DAZAP2: variants seen among roughly 807,000 people sequenced by gnomAD.
DAZAP2 encodes the protein DAZ-associated protein 2.
In DAZAP2, 3 loss-of-function variants were observed where a neutral mutation model predicts 16.2. That is an observed-to-expected ratio of 0.19 (90% confidence interval 0.08 to 0.48). The LOEUF (loss-of-function observed/expected upper bound fraction) is 0.48. Ranked by LOEUF, DAZAP2 falls within the 20% of genes least tolerant of loss-of-function variation. DAZAP2 has a pLI of 0.98. For missense variants in DAZAP2, 172 were observed against 215.9 expected, an observed-to-expected ratio of 0.80 and a Z score of 1.27; for synonymous variants, 69 against 77.6, an observed-to-expected ratio of 0.89 and a Z score of 0.58.
intron 1 of DAZAP2, chr12:51,239,616 T>TA (rs1040777986): frequency 2.6e-5 from 4 of 152,040 alleles, no homozygotes; most frequent in South Asian, 2.0e-4. Context: ...CCGTCTCTAT[T>TA]AAAAAATACA....
In DAZAP2 at chr12:51,238,847, A is replaced by C. The variant is rs910828479; in HGVS notation, c.-61A>C. ...ATGTGACACGGAAGTAGCTCCGAAC[A>C]GGAAGAGGACGAAAAAAATAACCGT... On this transcript the variant is annotated 5_prime_UTR_variant, in exon 1 of 4. Transcript: ENST00000412716. 5 of 1,611,802 alleles carry C rather than the reference A, an allele frequency of 3.1e-6. No homozygotes were observed. Among genetic ancestry groups the C allele is most frequent in the African/African-American group, 2.7e-5 (2 of 75,020 alleles).
intron 2 of DAZAP2, 39 bp from the exon 3 acceptor site, chr12:51,240,832 C>T (rs1944661599): frequency 2.5e-6 from 4 of 1,601,184 alleles, no homozygotes; most frequent in Non-Finnish European, 2.6e-6. Context: ...ATAGGAATGT[C>T]ATAAAGTAAC....
rs779196218 is a variant in DAZAP2, at chr12:51,238,874, C to G, written c.-34C>G. ...GAAGAGGACGAAAAAAATAACCGTC[C>G]GCGACGCCGAGACAAACCGGACCCG... On this transcript the variant is annotated 5_prime_UTR_variant, in exon 1 of 4. Transcript: ENST00000412716. The G allele has an allele frequency of 6.8e-6, 11 of 1,612,840 alleles. No individual in the cohort carries two copies. The African/African-American group carries it at 1.2e-4, about 18-fold the overall frequency.
At chr12:51,239,081 C>G (rs902164734) in intron 1 of DAZAP2, 161 bp downstream of exon 1, 2 of 1,020,914 alleles carry the variant, frequency 2.0e-6, no homozygotes. Context: ...CTTCGTCATA[C>G]CCAAATTACG....
At chr12:51,240,127 G>C in intron 1 of DAZAP2, 1 of 566,742 alleles carries the variant, frequency 1.8e-6, no homozygotes, top group Non-Finnish European at 3.2e-6. Flanking sequence ...GGAGCAGTGA[G>C]CAGTGCCTTT....
chr12:51,242,313 A>C lies in DAZAP2; in HGVS notation c.379-17A>C. 1 of 1,568,572 alleles carries C rather than the reference A, an allele frequency of 6.4e-7. No individual in the cohort carries two copies. Among genetic ancestry groups the C allele is most frequent in the Admixed American group, 1.9e-5 (1 of 53,362 alleles). ...TTAGCTGCCCTGTGCCCATTCTATCATGTCATTTCCTTTCAGCCTCCACCT... is the reference window on the plus strand; with the variant it reads ...TTAGCTGCCCTGTGCCCATTCTATCCTGTCATTTCCTTTCAGCCTCCACCT... On this transcript the variant is annotated splice_polypyrimidine_tract_variant and intron_variant, in intron 3 of 3. Transcript: ENST00000412716.
In DAZAP2 at chr12:51,240,996, A is replaced by G. The variant is rs766532630; in HGVS notation, c.258A>G (p.Thr86=). The change falls in exon 3 of 4, where the codon ACA becomes ACG. Residue 86 remains threonine (T), a synonymous_variant. Coordinates refer to ENST00000412716, the MANE Select transcript of DAZAP2 (RefSeq NM_014764.4). ...TGGCTGTTGGGCCTTTAGGTTCCACAATCCCCATGGCTTATTATCCAGTCG... is the reference window on the plus strand; with the variant it reads ...TGGCTGTTGGGCCTTTAGGTTCCACGATCCCCATGGCTTATTATCCAGTCG... The part of the protein sequence containing the change: ...QSVAVGPLGS[T]IPMAYYPVGP... 10 of 1,614,184 alleles carry G rather than the reference A, an allele frequency of 6.2e-6. No homozygotes were observed. The Admixed American group carries it at 1.5e-4, about 24-fold the overall frequency.
chr12:51,242,251 A>C, intron 3 of DAZAP2, 79 bp from the exon 4 acceptor site: 3 of 1,508,098 alleles, frequency 2.0e-6, no homozygotes, highest in Non-Finnish European at 2.6e-6. Flanking sequence ...CCTCATCCTA[A>C]CAGGCCTCTG....
chr12:51,243,686 C>T lies in DAZAP2; in HGVS notation c.*1228C>T, dbSNP rs1156543080. ...TGGAAGTTCAGCGTTGTATGTCTCT[C>T]TCTACACTGTGGTGCACTTAACTTG... On this transcript the variant is annotated 3_prime_UTR_variant, in exon 4 of 4. Coordinates refer to ENST00000412716, the MANE Select transcript of DAZAP2 (RefSeq NM_014764.4). 2.0e-6 allele frequency: 2 copies of T among 985,522 alleles called. No homozygotes were observed. The highest frequency in any genetic ancestry group is 1.7e-5 in the African/African-American group (1 of 57,192). The allele number at this position is 985,522 out of a possible 1,614,324, so 61.0% of individuals were successfully genotyped here. A position where few individuals can be genotyped will look rare whatever the true frequency, so the allele number is the denominator to read the frequency against.
chr12:51,243,046 CT>C lies in DAZAP2; in HGVS notation c.*589del. ...CTAATTTCCTTCTTTCCTCGCACTT[CT>C]CCCCACTCGTCATCTTTTAACTAGT... is the stretch of plus-strand genomic sequence containing the variant. On this transcript the variant is annotated 3_prime_UTR_variant, in exon 4 of 4. Transcript: ENST00000412716. 3 of 994,370 alleles carry C rather than the reference CT, an allele frequency of 3.0e-6. No homozygotes were observed. Among genetic ancestry groups the C allele is most frequent in the Non-Finnish European group, 3.6e-6 (3 of 835,918 alleles). The allele number at this position is 994,370 out of a possible 1,614,324, so 61.6% of individuals were successfully genotyped here. A position where few individuals can be genotyped will look rare whatever the true frequency, so the allele number is the denominator to read the frequency against.
chr12:51,238,942 G>A lies in DAZAP2; in HGVS notation c.13+22G>A, dbSNP rs370141662. The stretch of plus-strand genomic sequence containing the variant: ...AAAGGCAAGGACCGAGGGTGGCAGA[G>A]GCCGTCGGGGGGAGTACTGCTGGCC... On this transcript the variant is annotated intron_variant, in intron 1 of 3. Transcript: ENST00000412716. 4 of 1,613,112 alleles carry A rather than the reference G, an allele frequency of 2.5e-6. No individual in the cohort carries two copies. In the African/African-American group the frequency reaches 4.0e-5, roughly 16 times the overall value.
chr12:51,240,605 T>C (rs1435141009), intron 2 of DAZAP2, 144 bp downstream of exon 2: 2 of 919,956 alleles, frequency 2.2e-6, no homozygotes, highest in African/African-American at 3.3e-5. Context: ...TGGCAATTTT[T>C]GTCGGAGTTG....
intron 3 of DAZAP2, 35 bp downstream of exon 3, chr12:51,241,151 T>C: frequency 6.2e-7 from 1 of 1,604,528 alleles, no homozygotes; most frequent in Non-Finnish European, 8.5e-7. Context: ...ACTCAGCCCT[T>C]GTGTATTTTA....
rs1335999183 is a variant in DAZAP2 at position 51,243,703 on chromosome 12, C to G, written c.*1245C>G. ...ATGTCTCTCTCTACACTGTGGTGCA[C>G]TTAACTTGTGGAATTTTTATACTAA... On this transcript the variant is annotated 3_prime_UTR_variant, in exon 4 of 4. Coordinates refer to ENST00000412716, the MANE Select transcript of DAZAP2 (RefSeq NM_014764.4). 3.2e-5 allele frequency: 32 copies of G among 985,452 alleles called. No homozygotes were observed. Among genetic ancestry groups the G allele is most frequent in the Non-Finnish European group, 3.6e-5 (30 of 829,756 alleles). 61.0% of individuals were successfully genotyped at this position (985,452 alleles called of 1,614,324 possible). A position where few individuals can be genotyped will look rare whatever the true frequency, so the allele number is the denominator to read the frequency against.
intron 1 of DAZAP2, 64 bp downstream of exon 1, chr12:51,238,984 G>A: frequency 6.3e-7 from 1 of 1,599,634 alleles, no homozygotes; most frequent in Non-Finnish European, 8.5e-7. Context: ...GAGCGGATTC[G>A]GAGCCCAGGG....
At chr12:51,240,506 G>C in intron 2 of DAZAP2, 45 bp downstream of exon 2, 1 of 1,496,430 alleles carries the variant, frequency 6.7e-7, no homozygotes, top group Non-Finnish European at 9.3e-7. Flanking sequence ...AATACTCTTA[G>C]GGTGGTCCTT....
rs374905290 is a variant in DAZAP2 at position 51,238,948 on chromosome 12, C to T, written c.13+28C>T. 20 of 1,612,634 alleles carry T rather than the reference C, an allele frequency of 1.2e-5. No individual in the cohort carries two copies. The African/African-American group carries it at 1.3e-4, about 11-fold the overall frequency. The stretch of plus-strand genomic sequence containing the variant: ...AAGGACCGAGGGTGGCAGAGGCCGT[C>T]GGGGGGAGTACTGCTGGCCCAGAGC... On this transcript the variant is annotated intron_variant, in intron 1 of 3. Transcript: ENST00000412716.
rs528979877 is a variant in DAZAP2, at chr12:51,240,288, C to T, written c.14-55C>T. The stretch of plus-strand genomic sequence containing the variant: ...AAGTTAGCTACCCGATATGACCTGC[C>T]TCATTTTGGTAGCTCTGTGTAGTAG... On this transcript the variant is annotated intron_variant, in intron 1 of 3. Transcript: ENST00000412716. The T allele has an allele frequency of 1.3e-4, 184 of 1,423,940 alleles. 1 individual carries two copies. In the African/African-American group the frequency reaches 2.4e-3, roughly 19 times the overall value. 88.2% of individuals were successfully genotyped at this position (1,423,940 alleles called of 1,614,324 possible).
At chr12:51,241,758 T>C (rs557688269) in intron 3 of DAZAP2, among the ~76,000 whole-genome samples, 1 of 152,064 alleles carries the variant, frequency 6.6e-6, no homozygotes, top group African/African-American at 2.4e-5. Context: ...CCGACTCTAC[T>C]ATAAATACAA....
Sources: gnomAD v4.1 joint callset for allele counts (sites outside exome capture counted in the v4.1 genomes callset) on GRCh38, gnomAD v4.1.1 for gene constraint, MANE v1.5 for transcripts, NCBI Gene and HGNC (gene_info 2026-07-23, HGNC 2026-07-21) for gene names.